CSMD3: variants seen among roughly 807,000 people sequenced by gnomAD.
The protein encoded by CSMD3 is CUB and Sushi multiple domains 3, also known as CUB and sushi domain-containing protein 3.
Under a neutral mutation model 435.2 loss-of-function variants are expected in CSMD3, and 177 were observed. The ratio of observed to expected loss-of-function variants is 0.41; its 90% CI spans 0.36 to 0.46. The LOEUF is 0.46. CSMD3 is among the 20% of genes least tolerant of loss of function. CSMD3 has a pLI of 0.34. For synonymous variants in CSMD3, 1,656 were observed against 1,520.5 expected, an observed-to-expected ratio of 1.09 and a Z score of -2.07; for missense variants, 4,265 against 4,504.6, an observed-to-expected ratio of 0.95 and a Z score of 1.52.
intron 16 of CSMD3, among the ~76,000 whole-genome samples, chr8:112,669,455 C>T (rs549011330): frequency 2.0e-5 from 3 of 152,226 alleles, no homozygotes; most frequent in Admixed American, 6.5e-5. Flanking sequence ...CATATATTGC[C>T]TATGTAGTTA....
chr8:113,024,951 G>T (rs148579294), intron 5 of CSMD3, among the ~76,000 whole-genome samples: 294 of 152,152 alleles, frequency 1.9e-3, no homozygotes, highest in Non-Finnish European at 3.5e-3. Flanking sequence ...ACATTATTTA[G>T]CTCCCATTTA....
At chr8:112,428,107 C>A (rs1242081017) in intron 32 of CSMD3, among the ~76,000 whole-genome samples, 2 of 152,244 alleles carry the variant, frequency 1.3e-5, no homozygotes, top group Admixed American at 1.3e-4. Context: ...ACCATCACTG[C>A]AACTACTATT....
intron 32 of CSMD3, among the ~76,000 whole-genome samples, chr8:112,428,464 A>C (rs942976700): frequency 3.3e-5 from 5 of 152,298 alleles, no homozygotes; most frequent in Non-Finnish European, 7.4e-5. Flanking sequence ...TCAAATTTGC[A>C]ACCACATTAG....
chr8:112,504,859 T>C (rs1346483414), intron 29 of CSMD3, among the ~76,000 whole-genome samples: 1 of 152,116 alleles, frequency 6.6e-6, no homozygotes, highest in African/African-American at 2.4e-5. Flanking sequence ...AAGGATAGAT[T>C]CATTTAGGTC....
At chr8:112,926,261 CGT>C (rs112163042) in intron 9 of CSMD3, among the ~76,000 whole-genome samples, 3 of 115,326 alleles carry the variant, frequency 2.6e-5, no homozygotes, top group Non-Finnish European at 3.8e-5. Flanking sequence ...TGTGTGTGAG[CGT>C]GTGTGTGTTT....
intron 22 of CSMD3, among the ~76,000 whole-genome samples, chr8:112,610,679 C>A (rs1833188385): frequency 6.6e-6 from 1 of 152,142 alleles, no homozygotes; most frequent in Non-Finnish European, 1.5e-5. Context: ...TAACGCTTTG[C>A]AAAATGAAAG....
chr8:113,379,637 A>T (rs1019835038), intron 1 of CSMD3, among the ~76,000 whole-genome samples: 1 of 152,172 alleles, frequency 6.6e-6, no homozygotes, highest in Non-Finnish European at 1.5e-5. Context: ...GCTGCAATGG[A>T]TCTCATATCT....
In CSMD3 at chr8:112,263,299, G is replaced by T. The variant is rs140022830; in HGVS notation, c.9862+340C>A. On this transcript the variant is annotated intron_variant, in intron 61 of 70. Transcript: ENST00000297405. ...GTAGAAGTGACATGGATTTATTGCCGAAAAAGATTTGGGAACAAATTTCAG... is the reference window on the plus strand; with the variant it reads ...GTAGAAGTGACATGGATTTATTGCCTAAAAAGATTTGGGAACAAATTTCAG... Among the ~76,000 whole-genome samples, 196 of 152,114 alleles carry T rather than the reference G, an allele frequency of 1.3e-3. 1 individual carries two copies. The highest frequency in any genetic ancestry group is 4.6e-3 in the African/African-American group (191 of 41,516).
At chr8:112,472,167 T>C (rs529940134) in intron 32 of CSMD3, among the ~76,000 whole-genome samples, 10 of 152,298 alleles carry the variant, frequency 6.6e-5, no homozygotes, top group Admixed American at 4.6e-4. Context: ...TGGAAATGTG[T>C]TAATAAACTA....
chr8:112,708,620 G>T (rs1184383058), intron 13 of CSMD3, among the ~76,000 whole-genome samples: 1 of 145,888 alleles, frequency 6.9e-6, no homozygotes, highest in Admixed American at 6.9e-5. Context: ...AAAGTAACAA[G>T]TTTTATGGGT....
At chr8:112,917,701 G>T (rs922877200) in intron 10 of CSMD3, among the ~76,000 whole-genome samples, 2 of 151,892 alleles carry the variant, frequency 1.3e-5, no homozygotes, top group Non-Finnish European at 2.9e-5. Flanking sequence ...GAAAATAAAA[G>T]TGATAGTTGC....
At chr8:112,388,003 G>A (rs2129670428) in intron 36 of CSMD3, among the ~76,000 whole-genome samples, 1 of 152,220 alleles carries the variant, frequency 6.6e-6, no homozygotes. Flanking sequence ...AAATATGATG[G>A]AGAACTTAAC....
intron 38 of CSMD3, among the ~76,000 whole-genome samples, chr8:112,372,291 A>C (rs148427172): frequency 6.8e-4 from 104 of 152,314 alleles, no homozygotes; most frequent in African/African-American, 2.5e-3. Flanking sequence ...TTCATGTGTG[A>C]AAAATGAAAC....
chr8:112,493,233 G>A (rs548160680), intron 30 of CSMD3, among the ~76,000 whole-genome samples: 1 of 152,088 alleles, frequency 6.6e-6, no homozygotes, highest in South Asian at 2.1e-4. Flanking sequence ...AGTATCCAAT[G>A]CATATAGTCA....
chr8:112,684,635 T>A (rs1400472239), intron 15 of CSMD3, among the ~76,000 whole-genome samples: 1 of 152,156 alleles, frequency 6.6e-6, no homozygotes, highest in East Asian at 1.9e-4. Context: ...TAAGGTTTTT[T>A]TCTTTTTTAT....
At chr8:113,272,693 G>C (rs1418707571) in intron 3 of CSMD3, among the ~76,000 whole-genome samples, 1 of 152,092 alleles carries the variant, frequency 6.6e-6, no homozygotes, top group Non-Finnish European at 1.5e-5. Context: ...CATTAAAATG[G>C]ACTAATACAG....
chr8:113,118,517 C>T (rs931888123), intron 4 of CSMD3, among the ~76,000 whole-genome samples: 2 of 152,100 alleles, frequency 1.3e-5, no homozygotes, highest in Non-Finnish European at 2.9e-5. Flanking sequence ...TTATTACTGA[C>T]TGGGCATGGT....
At position 112,295,854 on chromosome 8, in the gene CSMD3, C is replaced by T. The variant is rs1820207883; in HGVS notation, c.8593G>A (p.Gly2865Ser). 1 of 1,613,698 alleles carries T rather than the reference C, an allele frequency of 6.2e-7. No individual in the cohort carries two copies. Among genetic ancestry groups the T allele is most frequent in the African/African-American group, 1.3e-5 (1 of 74,856 alleles). ...RICQQDHNWS[G>S]QLPSCVPVSC... The stretch of plus-strand genomic sequence containing the variant: ...TTACGCACACAGGATGGGAGCTGAC[C>T]AGACCAATTGTGATCCTGTTGACAT... Residue 2865 changes from glycine (G) to serine (S), a missense_variant, in exon 54 of 71, where the codon GGT becomes AGT. This residue lies in a region of CSMD3 where 3,255 missense variants were observed against 3,380.2 expected (regional missense o/e 0.96). Transcript: ENST00000297405.
rs375501180 is a variant in CSMD3, at chr8:112,692,122, T to C, written c.1973-2072A>G. On this transcript the variant is annotated intron_variant, in intron 13 of 70. Transcript: ENST00000297405. Reference sequence around the variant, plus strand: ...CCGGCAAATTCTATTGTTTTTATTTTAATTTAAACATCTTTTCTTTTTATA... The same window carrying C: ...CCGGCAAATTCTATTGTTTTTATTTCAATTTAAACATCTTTTCTTTTTATA... Among the ~76,000 whole-genome samples the C allele has an allele frequency of 1.1e-4, 16 of 152,222 alleles. 1 individual carries two copies. In the East Asian group the frequency reaches 2.5e-3, roughly 24 times the overall value.
Sources: allele counts gnomAD v4.1 joint callset (sites outside exome capture counted in the v4.1 genomes callset), GRCh38; gene constraint gnomAD v4.1.1; regional missense constraint gnomAD v4.1.1; transcripts MANE v1.5; gene names NCBI Gene and HGNC (gene_info 2026-07-23, HGNC 2026-07-21).